LRP1B: variants seen among roughly 807,000 people sequenced by gnomAD.
LRP1B encodes the protein LDL receptor related protein 1B, also known as low-density lipoprotein receptor-related protein 1B.
A neutral mutation model predicts 556.6 loss-of-function variants in LRP1B; 217 were observed. The ratio of observed to expected loss-of-function variants is 0.39; its 90% CI spans 0.35 to 0.44. The LOEUF (loss-of-function observed/expected upper bound fraction) is 0.44. Ranked by LOEUF, LRP1B falls within the 20% of genes least tolerant of loss-of-function variation. LRP1B has a pLI of 1.00. For synonymous variants in LRP1B, 2,047 were observed against 1,865.8 expected, an observed-to-expected ratio of 1.10 and a Z score of -2.50; for missense variants, 5,053 against 5,620.8, an observed-to-expected ratio of 0.90 and a Z score of 3.23.
At chr2:140,696,064 C>A (rs932813947) in intron 41 of LRP1B, among the ~76,000 whole-genome samples, 3 of 152,004 alleles carry the variant, frequency 2.0e-5, no homozygotes, top group Non-Finnish European at 2.9e-5. Flanking sequence ...TAGTTAAATA[C>A]TTAAAACATG....
chr2:140,902,912 T>C lies in LRP1B; in HGVS notation c.3766+8A>G, dbSNP rs2105222371. 1 of 1,611,438 alleles carries C rather than the reference T, an allele frequency of 6.2e-7. No homozygotes were observed. The highest frequency in any genetic ancestry group is 8.5e-7 in the Non-Finnish European group (1 of 1,177,994). On this transcript the variant is annotated splice_region_variant and intron_variant, in intron 23 of 90. Coordinates refer to ENST00000389484, the MANE Select transcript of LRP1B (RefSeq NM_018557.3). Reference sequence around the variant, plus strand: ...AAATATAGCAACACACACAAAATAGTTACTTACCAACACTTGTACAACTTT... The same window carrying C: ...AAATATAGCAACACACACAAAATAGCTACTTACCAACACTTGTACAACTTT...
chr2:140,740,552 T>C (rs1363838239), intron 35 of LRP1B, among the ~76,000 whole-genome samples: 2 of 152,126 alleles, frequency 1.3e-5, no homozygotes, highest in South Asian at 2.1e-4. Flanking sequence ...GCAAATAGGG[T>C]GCAGTGTATA....
At chr2:141,906,306 T>C (rs1052200812) in intron 1 of LRP1B, among the ~76,000 whole-genome samples, 2 of 151,906 alleles carry the variant, frequency 1.3e-5, no homozygotes, top group Non-Finnish European at 2.9e-5. Flanking sequence ...ACGACACAAA[T>C]TATGGAGTGT....
intron 47 of LRP1B, among the ~76,000 whole-genome samples, chr2:140,527,378 G>A (rs925011849): frequency 1.3e-5 from 2 of 151,880 alleles, no homozygotes; most frequent in Non-Finnish European, 2.9e-5. Context: ...ATATTTTAAA[G>A]AGCCTATTTA....
chr2:141,435,136 T>C (rs1680713813), intron 3 of LRP1B, among the ~76,000 whole-genome samples: 1 of 152,194 alleles, frequency 6.6e-6, no homozygotes, highest in Non-Finnish European at 1.5e-5. Context: ...TGTGGTTTTA[T>C]TTTTAAGCCT....
rs1015329672 is a variant in LRP1B, at chr2:140,464,826, A to T, written c.9626-7175T>A. On this transcript the variant is annotated intron_variant, in intron 60 of 90. Coordinates refer to ENST00000389484, the MANE Select transcript of LRP1B (RefSeq NM_018557.3). ...TTAATAAAAACTGAAGCCTTTGAAA[A>T]GCATTTGCCTCTGGGACACATATCA... 5.9e-5 allele frequency among the ~76,000 whole-genome samples: 9 copies of T among 152,184 alleles called. 1 individual carries two copies. Among genetic ancestry groups the T allele is most frequent in the Admixed American group, 3.9e-4 (6 of 15,284 alleles).
At chr2:142,034,156 C>T (rs963074272) in intron 1 of LRP1B, among the ~76,000 whole-genome samples, 11 of 151,676 alleles carry the variant, frequency 7.3e-5, no homozygotes, top group African/African-American at 2.7e-4. Context: ...GTTCCCTTGC[C>T]ACCTAATTGT....
At chr2:141,679,355 T>G (rs947603000) in intron 2 of LRP1B, among the ~76,000 whole-genome samples, 1 of 152,174 alleles carries the variant, frequency 6.6e-6, no homozygotes. Flanking sequence ...TTTTAAGTCA[T>G]TACATTTTGG....
chr2:141,035,874 G>A (rs1241048637), intron 11 of LRP1B, among the ~76,000 whole-genome samples: 1 of 152,032 alleles, frequency 6.6e-6, no homozygotes, highest in East Asian at 1.9e-4. Context: ...ATATATTCAC[G>A]GAAGTGCTCA....
chr2:141,290,507 CA>C (rs1356714575), intron 3 of LRP1B, among the ~76,000 whole-genome samples: 1 of 152,000 alleles, frequency 6.6e-6, no homozygotes, highest in Non-Finnish European at 1.5e-5. Flanking sequence ...ATTGATATAA[CA>C]ATAAATTCTA....
intron 1 of LRP1B, among the ~76,000 whole-genome samples, chr2:142,029,940 C>T (rs75753410): frequency 0.032 from 4,871 of 151,598 alleles, 85 homozygotes; most frequent in Non-Finnish European, 0.04. Context: ...CTCATCATTA[C>T]TCAAACTTGC....
intron 72 of LRP1B, among the ~76,000 whole-genome samples, chr2:140,362,418 C>T (rs1682553530): frequency 6.6e-6 from 1 of 151,656 alleles, no homozygotes; most frequent in Non-Finnish European, 1.5e-5. Flanking sequence ...CCTCTACTTA[C>T]TATGGGATTA....
intron 2 of LRP1B, among the ~76,000 whole-genome samples, chr2:141,660,923 T>A (rs985288937): frequency 6.6e-6 from 1 of 152,090 alleles, no homozygotes; most frequent in African/African-American, 2.4e-5. Flanking sequence ...CCCATCGGCA[T>A]CAGGTCGGTA....
chr2:141,075,691 T>C (rs530412522), intron 7 of LRP1B, among the ~76,000 whole-genome samples: 2 of 152,314 alleles, frequency 1.3e-5, no homozygotes, highest in South Asian at 4.1e-4. Context: ...GGCATTGTTC[T>C]GAGCTGAAAT....
intron 66 of LRP1B, among the ~76,000 whole-genome samples, chr2:140,414,428 G>A (rs1172129063): frequency 6.6e-6 from 1 of 151,784 alleles, no homozygotes; most frequent in Non-Finnish European, 1.5e-5. Context: ...GTTAGCTTAA[G>A]TCACCTAAAC....
chr2:141,194,581 A>G (rs1681665371), intron 6 of LRP1B, among the ~76,000 whole-genome samples: 1 of 152,140 alleles, frequency 6.6e-6, no homozygotes, highest in Non-Finnish European at 1.5e-5. Flanking sequence ...TTTAAAATTT[A>G]CAAAGCATTT....
At chr2:140,443,912 A>G (rs1047845662) in intron 65 of LRP1B, among the ~76,000 whole-genome samples, 1 of 152,210 alleles carries the variant, frequency 6.6e-6, no homozygotes, top group East Asian at 1.9e-4. Flanking sequence ...CATGAGTGCA[A>G]CATGTATTTC....
In LRP1B at chr2:140,896,375, C is replaced by T. The variant is rs552004600; in HGVS notation, c.3766+6545G>A. 1.4e-4 allele frequency among the ~76,000 whole-genome samples: 21 copies of T among 150,824 alleles called. No homozygotes were observed. The South Asian group carries it at 4.2e-3, about 30-fold the overall frequency. The stretch of plus-strand genomic sequence containing the variant: ...AAACAGAATCAGTTCTGCAATTCAG[C>T]AAAAGCCAGATTGTAAAGAATCAGA... On this transcript the variant is annotated intron_variant, in intron 23 of 90. Coordinates refer to ENST00000389484, the MANE Select transcript of LRP1B (RefSeq NM_018557.3).
intron 41 of LRP1B, among the ~76,000 whole-genome samples, chr2:140,613,580 T>A (rs192602154): frequency 7.7e-4 from 117 of 151,424 alleles, no homozygotes; most frequent in African/African-American, 2.7e-3. Flanking sequence ...GACCCAACTC[T>A]AGCCGGTTTC....
Sources: gnomAD v4.1 joint callset for allele counts (sites outside exome capture counted in the v4.1 genomes callset) on GRCh38, gnomAD v4.1.1 for gene constraint, MANE v1.5 for transcripts, NCBI Gene and HGNC (gene_info 2026-07-23, HGNC 2026-07-21) for gene names.